Variants in TOMM70 observed in about 807,000 individuals in gnomAD.
TOMM70 encodes mitochondrial import receptor subunit TOM70.
A neutral mutation model predicts 73.6 loss-of-function variants in TOMM70; 13 were observed. That is an observed-to-expected ratio of 0.18 (90% CI 0.11 to 0.28). The LOEUF (loss-of-function observed/expected upper bound fraction) is 0.28, where lower values mean the gene tolerates loss of function less well. Ranked by LOEUF, TOMM70 falls within the 10% of genes least tolerant of loss-of-function variation. The pLI, the probability that TOMM70 is intolerant of heterozygous loss-of-function variation, is 1.00. For synonymous variants in TOMM70, 257 were observed against 271.2 expected, an observed-to-expected ratio of 0.95 and a Z score of 0.51; for missense variants, 609 against 747.5, an observed-to-expected ratio of 0.81 and a Z score of 2.16.
rs146760799 is a variant in TOMM70, at chr3:100,384,572, A to G, written c.642T>C (p.Cys214=). The G allele has an allele frequency of 2.7e-5, 44 of 1,602,526 alleles. 1 individual carries two copies. The South Asian group carries it at 4.6e-4, about 17-fold the overall frequency. ...GTTGATTTTGGAACCCTTCTAATAT[A>G]CACACAGCAGTGACATCTAGAAATG... ...KECLEDVTAV[C]ILEGFQNQQS... Residue 214 remains cysteine, a synonymous_variant, in exon 4 of 12, where the codon TGT becomes TGC. Coordinates refer to ENST00000284320, the MANE Select transcript of TOMM70 (RefSeq NM_014820.5).
rs151238142 is a variant in TOMM70, at chr3:100,368,828, G to A, written c.1550+210C>T. 2.7e-3 allele frequency among the ~76,000 whole-genome samples: 415 copies of A among 152,122 alleles called. 4 individuals carry two copies. The highest frequency in any genetic ancestry group is 9.5e-3 in the African/African-American group (393 of 41,484). On this transcript the variant is annotated intron_variant, in intron 10 of 11. Transcript: ENST00000284320. ...CAACCTCAGATGATCTGCCTGCCTC[G>A]GCCTCCCAAAGTACTAGGATTACGT... is the stretch of plus-strand genomic sequence containing the variant.
At chr3:100,383,120 T>A (rs183840872) in intron 4 of TOMM70, among the ~76,000 whole-genome samples, 44 of 152,256 alleles carry the variant, frequency 2.9e-4, no homozygotes, top group African/African-American at 1.1e-3. Context: ...ACAAGGAAAC[T>A]AGGTTCCTTT....
At chr3:100,387,010 A>T (rs1016267538) in intron 1 of TOMM70, 32 bp from the exon 2 acceptor site, 27 of 1,604,190 alleles carry the variant, frequency 1.7e-5, no homozygotes, top group Non-Finnish European at 2.2e-5. Context: ...ATCAAACACT[A>T]ATCAACATTC....
In TOMM70 at chr3:100,384,592, G is replaced by T; in HGVS notation, c.626-4C>A. 6.5e-7 allele frequency: 1 copy of T among 1,539,144 alleles called. No individual in the cohort carries two copies. The highest frequency in any genetic ancestry group is 8.8e-7 in the Non-Finnish European group (1 of 1,141,898). On this transcript the variant is annotated splice_polypyrimidine_tract_variant and splice_region_variant and intron_variant, in intron 3 of 11. Transcript: ENST00000284320. ...AATATACACACAGCAGTGACATCTA[G>T]AAATGATGAAAAACACAAGGGTAAA... is the stretch of plus-strand genomic sequence containing the variant.
chr3:100,379,501 A>C (rs1033719323), intron 5 of TOMM70, among the ~76,000 whole-genome samples: 1 of 152,132 alleles, frequency 6.6e-6, no homozygotes, highest in African/African-American at 2.4e-5. Context: ...GGTGGTGTGC[A>C]CTTAGAGTCC....
At chr3:100,398,125 G>C (rs1378139012) in intron 1 of TOMM70, among the ~76,000 whole-genome samples, 1 of 152,038 alleles carries the variant, frequency 6.6e-6, no homozygotes, top group Non-Finnish European at 1.5e-5. Flanking sequence ...GCTCGTGCCT[G>C]TAATTCCTAG....
chr3:100,381,632 A>T lies in TOMM70; in HGVS notation c.867T>A (p.Ala289=), dbSNP rs895337401. Residue 289 remains alanine, a synonymous_variant, in exon 5 of 12, where the codon GCT becomes GCA. Coordinates refer to ENST00000284320, the MANE Select transcript of TOMM70 (RefSeq NM_014820.5). ...ATACTTACTTTTCTTTCACTTCTAA[A>T]GCCTCCCCTTCCTTGTCTTTATCTT... The part of the protein sequence containing the change: ...SDEDKDKEGE[A]LEVKENSGYL... The T allele has an allele frequency of 6.2e-7, 1 of 1,613,120 alleles. No individual in the cohort carries two copies.
In TOMM70 at chr3:100,364,511, G is replaced by A. The variant is rs554683822; in HGVS notation, c.*1053C>T. ...ATCACACTTACTCTACCTTTATTTG[G>A]GTTTTACATACAAGCAATCTGCACT... On this transcript the variant is annotated 3_prime_UTR_variant, in exon 12 of 12. Transcript: ENST00000284320. 8 of 152,026 alleles carry A rather than the reference G, an allele frequency of 5.3e-5. No homozygotes were observed. The highest frequency in any genetic ancestry group is 1.9e-4 in the African/African-American group (8 of 41,448). 9.4% of individuals were successfully genotyped at this position (152,026 alleles called of 1,614,324 possible).
Position 100,386,934 on chromosome 3 carries a change from T to C in TOMM70, c.369A>G (p.Lys123=), listed in dbSNP as rs1706698852. ...RAQAAKNKGN[K]YFKAGKYEQA... ...GTTCATATTTTCCTGCTTTAAAATA[T>C]TTATTGCCTTTATTCTTGGCTGCTT... Residue 123 remains lysine, a synonymous_variant, in exon 2 of 12, where the codon AAA becomes AAG. Transcript: ENST00000284320. The C allele has an allele frequency of 5.0e-6, 8 of 1,613,996 alleles. No individual in the cohort carries two copies. The South Asian group carries it at 6.6e-5, about 13-fold the overall frequency.
intron 6 of TOMM70, among the ~76,000 whole-genome samples, chr3:100,376,372 T>TTTTTTTG (rs1297618440): frequency 5.4e-5 from 8 of 147,518 alleles, no homozygotes; most frequent in African/African-American, 2.1e-4. Context: ...CACAGAAGTT[T>TTTTTTTG]TTTTTTTTTT....
At chr3:100,377,658 C>T in intron 6 of TOMM70, 47 bp downstream of exon 6, 1 of 1,561,276 alleles carries the variant, frequency 6.4e-7, no homozygotes, top group Non-Finnish European at 8.8e-7. Context: ...TAATGAAAGG[C>T]ATCGCCTTCT....
At chr3:100,379,006 CAAA>C (rs1706598955) in intron 5 of TOMM70, among the ~76,000 whole-genome samples, 1 of 148,752 alleles carries the variant, frequency 6.7e-6, no homozygotes, top group Non-Finnish European at 1.5e-5. Flanking sequence ...GACTCCGTCT[CAAA>C]TAAATAAATA....
At chr3:100,384,095 T>C (rs1706665303) in intron 4 of TOMM70, among the ~76,000 whole-genome samples, 1 of 152,230 alleles carries the variant, frequency 6.6e-6, no homozygotes, top group African/African-American at 2.4e-5. Flanking sequence ...AGATAGTAAA[T>C]ATTTTAGGCT....
intron 1 of TOMM70, among the ~76,000 whole-genome samples, chr3:100,400,362 A>G (rs1256780445): frequency 6.6e-6 from 1 of 152,220 alleles, no homozygotes; most frequent in Non-Finnish European, 1.5e-5. Flanking sequence ...CATCTACAAC[A>G]CTAGGGATAA....
chr3:100,365,427 C>T lies in TOMM70; in HGVS notation c.*137G>A, dbSNP rs1441899594. 2 of 1,322,120 alleles carry T rather than the reference C, an allele frequency of 1.5e-6. No homozygotes were observed. Among genetic ancestry groups the T allele is most frequent in the East Asian group, 2.3e-5 (1 of 42,568 alleles). 81.9% of individuals were successfully genotyped at this position (1,322,120 alleles called of 1,614,324 possible). The stretch of plus-strand genomic sequence containing the variant: ...ACACCCACAACACCTAGACATGAAA[C>T]AGATGTAACAAATAACAACACCACA... On this transcript the variant is annotated 3_prime_UTR_variant, in exon 12 of 12. Coordinates refer to ENST00000284320, the MANE Select transcript of TOMM70 (RefSeq NM_014820.5).
In TOMM70 at chr3:100,400,664, T is replaced by G. The variant is rs908611190; in HGVS notation, c.286A>C (p.Ser96Arg). 1.2e-5 allele frequency: 20 copies of G among 1,612,508 alleles called. No homozygotes were observed. The highest frequency in any genetic ancestry group is 1.7e-5 in the Admixed American group (1 of 60,006). The change falls in exon 1 of 12, where the codon AGC becomes CGC. Residue 96 changes from serine to arginine, a missense_variant. This residue lies in a region of TOMM70 where 177 missense variants were observed against 163.5 expected (regional missense o/e 1.08). Transcript: ENST00000284320. ...PEGRASPAPG[S>R]GHPEGPGAHL... is the part of the protein sequence containing the mutation. Reference sequence around the variant, plus strand: ...GCACCGGGACCTTCAGGGTGTCCGCTGCCCGGGGCCGGACTGGCCCTGCCC... The same window carrying G: ...GCACCGGGACCTTCAGGGTGTCCGCGGCCCGGGGCCGGACTGGCCCTGCCC...
chr3:100,378,788 C>T (rs868284392), intron 5 of TOMM70, among the ~76,000 whole-genome samples: 9 of 152,060 alleles, frequency 5.9e-5, no homozygotes, highest in Non-Finnish European at 8.8e-5. Flanking sequence ...GGGCGGATCA[C>T]GAGGTCAGGA....
chr3:100,374,748 C>T lies in TOMM70; in HGVS notation c.1227+270G>A, dbSNP rs149451283. Among the ~76,000 whole-genome samples the T allele has an allele frequency of 1.8e-3, 281 of 152,204 alleles. 4 individuals are homozygous for T. Among genetic ancestry groups the T allele is most frequent in the African/African-American group, 6.5e-3 (268 of 41,528 alleles). The stretch of plus-strand genomic sequence containing the variant: ...TGTTTTACTCATTGAAACCTATGAA[C>T]CAGAAACACCAGAAAAACAAACTTG... On this transcript the variant is annotated intron_variant, in intron 7 of 11. Coordinates refer to ENST00000284320, the MANE Select transcript of TOMM70 (RefSeq NM_014820.5).
chr3:100,400,402 G>C (rs573491291), intron 1 of TOMM70, among the ~76,000 whole-genome samples: 3 of 152,210 alleles, frequency 2.0e-5, no homozygotes, highest in African/African-American at 7.2e-5. Flanking sequence ...AAAAGCAAAG[G>C]ATTTTTCTGA....
Sources: allele counts gnomAD v4.1 joint callset (sites outside exome capture counted in the v4.1 genomes callset), GRCh38; gene constraint gnomAD v4.1.1; regional missense constraint gnomAD v4.1.1; transcripts MANE v1.5; gene names NCBI Gene and HGNC (gene_info 2026-07-23, HGNC 2026-07-21).